Variants in LRRIQ1 observed in about 807,000 individuals in gnomAD.
LRRIQ1 encodes the protein leucine-rich repeat- and IQ domain-containing protein 1.
LRRIQ1 carries 210 observed loss-of-function variants against 211.9 expected under a neutral mutation model. That is an observed-to-expected ratio of 0.99 (90% CI 0.89 to 1.11). The LOEUF (loss-of-function observed/expected upper bound fraction) is 1.11. LRRIQ1 is among the 50% of genes most tolerant of loss of function. The pLI is 0.00. For synonymous variants in LRRIQ1, 699 were observed against 650.1 expected, an observed-to-expected ratio of 1.08 and a Z score of -1.14; for missense variants, 2,136 against 1,939.5, an observed-to-expected ratio of 1.10 and a Z score of -1.90.
intron 24 of LRRIQ1, among the ~76,000 whole-genome samples, chr12:85,162,017 C>A (rs145121587): frequency 0.02 from 3,082 of 150,376 alleles, 139 homozygotes; most frequent in East Asian, 0.2. Context: ...CCAGCCTGGG[C>A]GACAGAGCGA....
chr12:85,254,707 A>G (rs1041169551), intron 1 of LRRIQ1, among the ~76,000 whole-genome samples: 1 of 152,084 alleles, frequency 6.6e-6, no homozygotes, highest in African/African-American at 2.4e-5. Flanking sequence ...ACCATCTTAG[A>G]GAAAATGTCA....
chr12:85,151,994 G>A (rs7959325), intron 19 of LRRIQ1, among the ~76,000 whole-genome samples: 43,078 of 151,462 alleles, frequency 0.28, 6,265 homozygotes, highest in Admixed American at 0.34. Context: ...CAGAGTCATA[G>A]TTATAAACAG....
At chr12:85,131,272 T>C (rs541638222) in intron 18 of LRRIQ1, among the ~76,000 whole-genome samples, 88 of 151,856 alleles carry the variant, frequency 5.8e-4, no homozygotes, top group Non-Finnish European at 1.0e-3. Context: ...ATCTACCCCA[T>C]AAAATCTCCC....
intron 11 of LRRIQ1, among the ~76,000 whole-genome samples, chr12:85,091,674 G>A (rs963856230): frequency 1.3e-5 from 2 of 152,110 alleles, no homozygotes; most frequent in African/African-American, 2.4e-5. Flanking sequence ...GTTAGTTTTT[G>A]TATATGGTGA....
At chr12:85,133,201 T>C (rs954206679) in intron 18 of LRRIQ1, among the ~76,000 whole-genome samples, 1 of 152,168 alleles carries the variant, frequency 6.6e-6, no homozygotes, top group African/African-American at 2.4e-5. Context: ...TCCTATATGA[T>C]TTTTTATATT....
chr12:85,146,036 T>C (rs1889873294), intron 19 of LRRIQ1, among the ~76,000 whole-genome samples: 1 of 151,746 alleles, frequency 6.6e-6, no homozygotes, highest in African/African-American at 2.4e-5. Context: ...TCATGGTTCA[T>C]GCAATTAAGG....
chr12:85,098,448 T>G lies in LRRIQ1; in HGVS notation c.2981T>G (p.Val994Gly). ...TKGLCDTPTI[V>G]YLDCSHNHLT... Reference sequence around the variant, plus strand: ...GGTCTTTGTGATACACCTACCATTGTATACCTAGATTGCTCCCATAATCAT... The same window carrying G: ...GGTCTTTGTGATACACCTACCATTGGATACCTAGATTGCTCCCATAATCAT... Residue 994 changes from valine to glycine, a missense_variant, in exon 12 of 27, where the codon GTA (valine) becomes GGA (glycine). Transcript: ENST00000393217. 6.2e-7 allele frequency: 1 copy of G among 1,611,194 alleles called. No homozygotes were observed. Among genetic ancestry groups the G allele is most frequent in the South Asian group, 1.1e-5 (1 of 91,014 alleles).
chr12:85,074,460 T>G (rs1883426771), intron 11 of LRRIQ1, among the ~76,000 whole-genome samples: 1 of 151,978 alleles, frequency 6.6e-6, no homozygotes, highest in African/African-American at 2.4e-5. Context: ...ATTACAATCT[T>G]TTAGTTATAT....
At chr12:85,157,969 AAGGGGGAGGGACCAGC>A (rs1288605719) in intron 23 of LRRIQ1, among the ~76,000 whole-genome samples, 1 of 151,962 alleles carries the variant, frequency 6.6e-6, no homozygotes, top group Non-Finnish European at 1.5e-5. Flanking sequence ...AAAGAATGTT[AAGGGGGAGGGACCAGC>A]AGGGAATAGT....
rs746764534 is a variant in LRRIQ1 at position 85,244,877 on chromosome 12, AT to A, written c.5106del (p.Gln1703ArgfsTer19). The A allele has an allele frequency of 2.5e-6, 4 of 1,586,564 alleles. No homozygotes were observed. In the Admixed American group the frequency reaches 5.1e-5, roughly 20 times the overall value. ...SALSVNREKK[N>X]QAHRHSAGSS... ...TTGTCTGTGAACAGAGAAAAAAAAAATCAGGCACACAGACACTCAGCAGGAT... is the reference window on the plus strand; with the variant it reads ...TTGTCTGTGAACAGAGAAAAAAAAAACAGGCACACAGACACTCAGCAGGAT... On this transcript the variant is annotated frameshift_variant, in exon 27 of 27. Coordinates refer to ENST00000393217, the MANE Select transcript of LRRIQ1 (RefSeq NM_001079910.2). LOFTEE classifies it high-confidence loss of function.
intron 11 of LRRIQ1, among the ~76,000 whole-genome samples, chr12:85,078,544 C>A (rs1883923599): frequency 6.6e-6 from 1 of 152,028 alleles, no homozygotes; most frequent in Non-Finnish European, 1.5e-5. Flanking sequence ...GTAGTTCAAT[C>A]TTTTTATTCT....
At chr12:85,058,991 A>T (rs928285595) in intron 8 of LRRIQ1, among the ~76,000 whole-genome samples, 1 of 152,000 alleles carries the variant, frequency 6.6e-6, no homozygotes, top group Non-Finnish European at 1.5e-5. Context: ...TGCCATATAG[A>T]TGCTAAAATG....
chr12:85,172,323 T>C (rs1409446717), intron 24 of LRRIQ1, among the ~76,000 whole-genome samples: 1 of 152,190 alleles, frequency 6.6e-6, no homozygotes, highest in South Asian at 2.1e-4. Context: ...CTCAGAGAAT[T>C]ACTACAACAT....
At chr12:85,243,211 T>C (rs1182353932) in intron 26 of LRRIQ1, among the ~76,000 whole-genome samples, 1 of 150,066 alleles carries the variant, frequency 6.7e-6, no homozygotes, top group Non-Finnish European at 1.5e-5. Flanking sequence ...GTTTTTTTTT[T>C]TAAGGTTTAC....
chr12:85,263,091 G>A, exon 2 of LRRIQ1: 1 of 987,460 alleles, frequency 1.0e-6, no homozygotes, highest in Non-Finnish European at 1.2e-6. Context: ...AAAACATGTG[G>A]CAAACTGTTT....
chr12:85,078,552 T>C (rs1883924133), intron 11 of LRRIQ1, among the ~76,000 whole-genome samples: 1 of 152,114 alleles, frequency 6.6e-6, no homozygotes, highest in Non-Finnish European at 1.5e-5. Context: ...ATCTTTTTAT[T>C]CTTATATATT....
At chr12:85,192,118 T>C (rs966050045) in intron 24 of LRRIQ1, among the ~76,000 whole-genome samples, 16 of 151,730 alleles carry the variant, frequency 1.1e-4, no homozygotes, top group Admixed American at 2.7e-4. Flanking sequence ...TATTATAGTA[T>C]CTGATAAGTA....
chr12:85,059,812 G>A (rs2136017109), intron 8 of LRRIQ1, among the ~76,000 whole-genome samples: 1 of 151,776 alleles, frequency 6.6e-6, no homozygotes, highest in East Asian at 1.9e-4. Context: ...AAAACCGCAT[G>A]TTCTGCACAT....
intron 2 of LRRIQ1, among the ~76,000 whole-genome samples, chr12:85,039,555 G>A (rs931922791): frequency 6.6e-6 from 1 of 151,618 alleles, no homozygotes; most frequent in South Asian, 2.1e-4. Context: ...CTAAAAGAAA[G>A]GTAATATTTT....
Sources: gnomAD v4.1 joint callset for allele counts (sites outside exome capture counted in the v4.1 genomes callset) on GRCh38, gnomAD v4.1.1 for gene constraint, MANE v1.5 for transcripts, NCBI Gene and HGNC (gene_info 2026-07-23, HGNC 2026-07-21) for gene names.